The following RALYL variants were observed in gnomAD, a reference collection of about 807,000 sequenced individuals.
RALYL encodes RALY RNA binding protein like.
A neutral mutation model predicts 35.1 loss-of-function variants in RALYL; 29 were observed. That is an observed-to-expected ratio of 0.83 (90% CI 0.61 to 1.13). RALYL has a LOEUF of 1.13. Among genes scored for constraint, RALYL ranks in the 50% most tolerant of loss-of-function variants. RALYL has a pLI of 0.00. For missense variants in RALYL, 359 were observed against 360.4 expected, an observed-to-expected ratio of 1.00 and a Z score of 0.03; for synonymous variants, 120 against 127.6, an observed-to-expected ratio of 0.94 and a Z score of 0.40.
rs75967490 is a variant in RALYL, at chr8:84,614,775, C to CTT, written c.256+85213_256+85214dup. Among the ~76,000 whole-genome samples the CTT allele has an allele frequency of 5.9e-3, 763 of 128,812 alleles. 9 individuals carry two copies. Among genetic ancestry groups the CTT allele is most frequent in the African/African-American group, 0.017 (572 of 34,118 alleles). The allele number at this position is 128,812 out of a possible 152,430, so 84.5% of individuals were successfully genotyped here. On this transcript the variant is annotated intron_variant, in intron 2 of 8. Transcript: ENST00000521268. ...AGTCAGATTGTTCCTCCCTTCTTTC[C>CTT]TTTTTTTTTTTTTTTTCATTTTCTT...
At chr8:84,788,121 A>G (rs1819968465) in intron 3 of RALYL, among the ~76,000 whole-genome samples, 1 of 152,176 alleles carries the variant, frequency 6.6e-6, no homozygotes, top group African/African-American at 2.4e-5. Context: ...GGTATTGCCT[A>G]GTTTTTCTCC....
At chr8:84,497,832 G>A (rs1190722376) in intron 1 of RALYL, among the ~76,000 whole-genome samples, 6 of 151,502 alleles carry the variant, frequency 4.0e-5, no homozygotes, top group African/African-American at 9.7e-5. Context: ...TAGTAGAGAC[G>A]GGGTTTCACC....
intron 1 of RALYL, among the ~76,000 whole-genome samples, chr8:84,337,574 A>C (rs375164302): frequency 6.6e-6 from 1 of 152,108 alleles, no homozygotes; most frequent in South Asian, 2.1e-4. Flanking sequence ...TGAATGAAAG[A>C]AAGTATGACA....
chr8:84,376,554 C>T (rs192459623), intron 1 of RALYL, among the ~76,000 whole-genome samples: 160 of 151,872 alleles, frequency 1.1e-3, no homozygotes, highest in Middle Eastern at 3.4e-3. Flanking sequence ...GGCATGACAT[C>T]TCCCATTGAG....
At chr8:84,287,029 A>G (rs1045066616) in intron 1 of RALYL, among the ~76,000 whole-genome samples, 1 of 152,194 alleles carries the variant, frequency 6.6e-6, no homozygotes, top group African/African-American at 2.4e-5. Flanking sequence ...TTTCTTGGCT[A>G]CTGTTTTAAG....
At chr8:84,212,097 T>G (rs550979448) in intron 1 of RALYL, among the ~76,000 whole-genome samples, 1 of 152,284 alleles carries the variant, frequency 6.6e-6, no homozygotes, top group East Asian at 1.9e-4. Context: ...TTAGCTCTTC[T>G]GAGTATAAAA....
chr8:84,336,640 G>A (rs1847855376), intron 1 of RALYL, among the ~76,000 whole-genome samples: 1 of 152,028 alleles, frequency 6.6e-6, no homozygotes, highest in Non-Finnish European at 1.5e-5. Flanking sequence ...ACACAAATTG[G>A]TAATTGTTAG....
At chr8:84,555,750 T>A (rs1009165769) in intron 2 of RALYL, among the ~76,000 whole-genome samples, 1 of 152,198 alleles carries the variant, frequency 6.6e-6, no homozygotes, top group Non-Finnish European at 1.5e-5. Context: ...ACAGAGATAA[T>A]CTCCCAAGTA....
At chr8:84,466,749 T>G (rs989305726) in intron 1 of RALYL, among the ~76,000 whole-genome samples, 1 of 148,684 alleles carries the variant, frequency 6.7e-6, no homozygotes, top group Middle Eastern at 3.5e-3. Flanking sequence ...TCTGGTAGAA[T>G]TCGGCTGTGA....
chr8:84,635,041 T>G (rs1375094422), intron 2 of RALYL, among the ~76,000 whole-genome samples: 1 of 151,752 alleles, frequency 6.6e-6, no homozygotes, highest in African/African-American at 2.4e-5. Context: ...GTATTCAAGA[T>G]AGTAATCATT....
At chr8:84,583,568 T>C (rs1230700069) in intron 2 of RALYL, among the ~76,000 whole-genome samples, 1 of 152,166 alleles carries the variant, frequency 6.6e-6, no homozygotes, top group Non-Finnish European at 1.5e-5. Context: ...AGAAGTCCAG[T>C]AAAATTTAGG....
chr8:84,703,754 C>T (rs190890225), intron 2 of RALYL, among the ~76,000 whole-genome samples: 18 of 152,196 alleles, frequency 1.2e-4, no homozygotes, highest in African/African-American at 4.3e-4. Flanking sequence ...AACAGAAAAA[C>T]TGTTTTAATT....
intron 8 of RALYL, among the ~76,000 whole-genome samples, chr8:84,913,348 T>G (rs939881815): frequency 3.3e-5 from 5 of 152,156 alleles, no homozygotes; most frequent in African/African-American, 1.2e-4. Flanking sequence ...CAATTAAGTT[T>G]GTTTTCTTAT....
At chr8:84,492,292 C>T (rs1417586886) in intron 1 of RALYL, among the ~76,000 whole-genome samples, 1 of 152,002 alleles carries the variant, frequency 6.6e-6, no homozygotes. Context: ...TAGAAGAAAC[C>T]ACTCTTAAGA....
chr8:84,622,752 A>G (rs897327786), intron 2 of RALYL, among the ~76,000 whole-genome samples: 2 of 152,214 alleles, frequency 1.3e-5, no homozygotes, highest in Admixed American at 6.5e-5. Context: ...GATTATGGAA[A>G]GCCCATGTAG....
At chr8:84,829,573 C>A (rs990651865) in intron 4 of RALYL, 3 of 152,192 alleles carry the variant, frequency 2.0e-5, no homozygotes, top group Admixed American at 1.3e-4. Context: ...CCCAGCCCCT[C>A]CTCAGTGCCT....
chr8:84,607,248 TACAG>T (rs1217157554), intron 2 of RALYL, among the ~76,000 whole-genome samples: 1 of 152,078 alleles, frequency 6.6e-6, no homozygotes, highest in African/African-American at 2.4e-5. Flanking sequence ...ATCACATTCT[TACAG>T]ACCAACTGCT....
chr8:84,612,374 G>A (rs912603704), intron 2 of RALYL, among the ~76,000 whole-genome samples: 1 of 152,016 alleles, frequency 6.6e-6, no homozygotes, highest in South Asian at 2.1e-4. Flanking sequence ...GCATAGTAAA[G>A]GCAGGAGAGC....
intron 1 of RALYL, among the ~76,000 whole-genome samples, chr8:84,516,729 G>T (rs887447907): frequency 1.3e-5 from 2 of 152,112 alleles, no homozygotes; most frequent in East Asian, 3.9e-4. Flanking sequence ...ATGCAAGAGG[G>T]TATCTGTCTC....
Sources: gnomAD v4.1 joint callset for allele counts (sites outside exome capture counted in the v4.1 genomes callset) on GRCh38, gnomAD v4.1.1 for gene constraint, MANE v1.5 for transcripts, NCBI Gene and HGNC (gene_info 2026-07-23, HGNC 2026-07-21) for gene names.